Variants in VAMP3 observed in about 807,000 individuals in gnomAD.
The protein encoded by VAMP3 is vesicle associated membrane protein 3.
A neutral mutation model predicts 18.1 loss-of-function variants in VAMP3; 11 were observed. The observed-to-expected ratio is 0.61, with a 90% CI of 0.38 to 1.00. VAMP3 has a LOEUF of 1.00. VAMP3 is among the 50% of genes least tolerant of loss of function. The pLI, the probability that VAMP3 is intolerant of heterozygous loss-of-function variation, is 0.01. For missense variants in VAMP3, 122 were observed against 127.3 expected, an observed-to-expected ratio of 0.96 and a Z score of 0.20; for synonymous variants, 49 against 43.1, an observed-to-expected ratio of 1.14 and a Z score of -0.53.
Position 7,773,433 on chromosome 1 carries a change from A to C in VAMP3, c.3-9A>C. On this transcript the variant is annotated splice_polypyrimidine_tract_variant and intron_variant, in intron 1 of 4. Transcript: ENST00000054666. ...AATGTACTCATGCTCATGCCTTTACATGTTCCAGGTCTACAGGTCCAACTG... is the reference window on the plus strand; with the variant it reads ...AATGTACTCATGCTCATGCCTTTACCTGTTCCAGGTCTACAGGTCCAACTG... 6.2e-7 allele frequency: 1 copy of C among 1,613,376 alleles called. No individual in the cohort carries two copies. Among genetic ancestry groups the C allele is most frequent in the Non-Finnish European group, 8.5e-7 (1 of 1,179,380 alleles).
chr1:7,778,127 A>C lies in VAMP3; in HGVS notation c.241A>C (p.Ile81Leu), dbSNP rs747982809. 6.2e-7 allele frequency: 1 copy of C among 1,614,214 alleles called. No homozygotes were observed. The highest frequency in any genetic ancestry group is 2.2e-5 in the East Asian group (1 of 44,890). The change falls in exon 4 of 5, where the codon ATC becomes CTC. Residue 81 changes from isoleucine (I) to leucine (L), a missense_variant. Coordinates refer to ENST00000054666, the MANE Select transcript of VAMP3 (RefSeq NM_004781.4). ...ATATGTTTTGTTACAGATGTGGGCAATCGGGATTACTGTTCTGGTTATCTT... is the reference window on the plus strand; with the variant it reads ...ATATGTTTTGTTACAGATGTGGGCACTCGGGATTACTGTTCTGGTTATCTT... ...YWWKNCKMWA[I>L]GITVLVIFII...
intron 3 of VAMP3, 127 bp from the exon 4 acceptor site, chr1:7,777,991 T>C (rs1032132287): frequency 4.4e-5 from 42 of 950,266 alleles, no homozygotes; most frequent in African/African-American, 1.6e-5. Context: ...TTAGAAATTA[T>C]TAATTACTCC....
chr1:7,772,152 C>T (rs707458), intron 1 of VAMP3, among the ~76,000 whole-genome samples: 77,663 of 152,080 alleles, frequency 0.51, 20,362 homozygotes, highest in Non-Finnish European at 0.55. Flanking sequence ...TGTGTTGACT[C>T]TCTAAACCTC....
At chr1:7,776,229 C>T (rs2097054226) in intron 2 of VAMP3, among the ~76,000 whole-genome samples, 1 of 152,184 alleles carries the variant, frequency 6.6e-6, no homozygotes, top group Non-Finnish European at 1.5e-5. Context: ...TTGTCCAAGT[C>T]GTTCACCTTT....
chr1:7,771,570 C>T (rs1277395256), intron 1 of VAMP3, among the ~76,000 whole-genome samples, 185 bp downstream of exon 1: 1 of 152,136 alleles, frequency 6.6e-6, no homozygotes, highest in African/African-American at 2.4e-5. Flanking sequence ...CCGGGCGGGT[C>T]CCGCGGCCAT....
At chr1:7,778,429 G>A (rs1195235653) in intron 4 of VAMP3, among the ~76,000 whole-genome samples, 2 of 152,084 alleles carry the variant, frequency 1.3e-5, no homozygotes, top group Non-Finnish European at 2.9e-5. Flanking sequence ...AGCTACTCAG[G>A]AGGCTGAGAC....
chr1:7,773,431 A>G lies in VAMP3; in HGVS notation c.3-11A>G, dbSNP rs1439494378. 4 of 1,612,948 alleles carry G rather than the reference A, an allele frequency of 2.5e-6. No individual in the cohort carries two copies. Among genetic ancestry groups the G allele is most frequent in the South Asian group, 2.2e-5 (2 of 91,010 alleles). On this transcript the variant is annotated splice_polypyrimidine_tract_variant and intron_variant, in intron 1 of 4. Transcript: ENST00000054666. ...GTAATGTACTCATGCTCATGCCTTTACATGTTCCAGGTCTACAGGTCCAAC... is the reference window on the plus strand; with the variant it reads ...GTAATGTACTCATGCTCATGCCTTTGCATGTTCCAGGTCTACAGGTCCAAC...
At position 7,772,323 on chromosome 1, in the gene VAMP3, G is replaced by T. The variant is rs117576469; in HGVS notation, c.2+938G>T. Among the ~76,000 whole-genome samples, 61 of 152,260 alleles carry T rather than the reference G, an allele frequency of 4.0e-4. 1 individual carries two copies. In the East Asian group the frequency reaches 0.011, roughly 28 times the overall value. On this transcript the variant is annotated intron_variant, in intron 1 of 4. Transcript: ENST00000054666. Reference sequence around the variant, plus strand: ...GGTGATGAGATCTGTTGTAGCCCTGGTCATTGACACATGACAGATGTAAAG... The same window carrying T: ...GGTGATGAGATCTGTTGTAGCCCTGTTCATTGACACATGACAGATGTAAAG...
In VAMP3 at chr1:7,779,745, ATT is replaced by A. The variant is rs998810170; in HGVS notation, c.*107_*108del. ...AAGCTTACCTACTGTTATCTCTAAA[ATT>A]TTTTTTGTGTTAATGTAAAGTTGAA... On this transcript the variant is annotated 3_prime_UTR_variant, in exon 5 of 5. Coordinates refer to ENST00000054666, the MANE Select transcript of VAMP3 (RefSeq NM_004781.4). 2.0e-5 allele frequency: 31 copies of A among 1,527,608 alleles called. No homozygotes were observed. The highest frequency in any genetic ancestry group is 2.7e-5 in the Non-Finnish European group (30 of 1,122,944). The allele number at this position is 1,527,608 out of a possible 1,614,324, so 94.6% of individuals were successfully genotyped here.
rs560129906 is a variant in VAMP3 at position 7,777,258 on chromosome 1, T to G, written c.171T>G (p.Ala57=). ...GTGCAGACGCACTGCAGGCAGGCGC[T>G]TCTCAATTTGAAACGAGCGCAGCCA... ...DDRADALQAG[A]SQFETSAAKL... The change falls in exon 3 of 5, where the codon GCT becomes GCG. Residue 57 remains alanine (A), a synonymous_variant. Coordinates refer to ENST00000054666, the MANE Select transcript of VAMP3 (RefSeq NM_004781.4). 8.7e-6 allele frequency: 14 copies of G among 1,613,788 alleles called. 1 individual carries two copies. The South Asian group carries it at 9.9e-5, about 11-fold the overall frequency.
At position 7,777,327 on chromosome 1, in the gene VAMP3, C is replaced by T. The variant is rs1558353962; in HGVS notation, c.231+9C>T. 2 of 1,607,536 alleles carry T rather than the reference C, an allele frequency of 1.2e-6. No homozygotes were observed. Among genetic ancestry groups the T allele is most frequent in the Non-Finnish European group, 1.7e-6 (2 of 1,176,194 alleles). Reference sequence around the variant, plus strand: ...GGTGGAAGAATTGCAAGGTAATTATCTTTTAACTGACCTTTACATTTAACC... The same window carrying T: ...GGTGGAAGAATTGCAAGGTAATTATTTTTTAACTGACCTTTACATTTAACC... On this transcript the variant is annotated intron_variant, in intron 3 of 4. Transcript: ENST00000054666.
At chr1:7,771,410 C>T (rs768977711) in intron 1 of VAMP3, 25 bp downstream of exon 1, 3 of 1,560,756 alleles carry the variant, frequency 1.9e-6, no homozygotes, top group African/African-American at 2.8e-5. Context: ...GCGACGCGGG[C>T]GGCTTCGGGC....
intron 1 of VAMP3, among the ~76,000 whole-genome samples, chr1:7,772,418 GAA>G (rs1171247424): frequency 6.6e-6 from 1 of 152,178 alleles, no homozygotes; most frequent in African/African-American, 2.4e-5. Context: ...AGGATACAGA[GAA>G]GAGAGTAAGA....
chr1:7,777,356 CT>C (rs1476191094), intron 3 of VAMP3, 38 bp downstream of exon 3: 1 of 1,579,238 alleles, frequency 6.3e-7, no homozygotes, highest in East Asian at 2.3e-5. Context: ...TTTAACCCCC[CT>C]TCTCCATTCT....
At chr1:7,775,467 C>T (rs752086386) in intron 2 of VAMP3, among the ~76,000 whole-genome samples, 1 of 152,112 alleles carries the variant, frequency 6.6e-6, no homozygotes, top group Non-Finnish European at 1.5e-5. Flanking sequence ...CCTGCCTCAG[C>T]CCCCAGAGTA....
intron 4 of VAMP3, 124 bp from the exon 5 acceptor site, chr1:7,779,502 G>A (rs1251473001): frequency 7.4e-6 from 10 of 1,359,570 alleles, no homozygotes; most frequent in Non-Finnish European, 1.0e-5. Context: ...GCCAGTAGTA[G>A]GAAATCAGCC....
chr1:7,779,141 G>C (rs1360670905), intron 4 of VAMP3, among the ~76,000 whole-genome samples: 3 of 152,126 alleles, frequency 2.0e-5, no homozygotes, highest in Non-Finnish European at 4.4e-5. Flanking sequence ...CTTGCAGTGA[G>C]CCAAGATCAT....
In VAMP3 at chr1:7,781,174, C is replaced by T. The variant is rs1319871441; in HGVS notation, c.*1529C>T. The T allele has an allele frequency of 6.5e-6, 1 of 152,806 alleles. No individual in the cohort carries two copies. The highest frequency in any genetic ancestry group is 1.5e-5 in the Non-Finnish European group (1 of 68,054). 9.5% of individuals were successfully genotyped at this position (152,806 alleles called of 1,614,324 possible). On this transcript the variant is annotated 3_prime_UTR_variant, in exon 5 of 5. Transcript: ENST00000054666. ...CCCTTAACATCGCTGAAATGATTTACTGTTGAAGAGATGCCTTGCGGTGTG... is the reference window on the plus strand; with the variant it reads ...CCCTTAACATCGCTGAAATGATTTATTGTTGAAGAGATGCCTTGCGGTGTG...
intron 2 of VAMP3, among the ~76,000 whole-genome samples, chr1:7,774,921 A>T (rs2097053494): frequency 6.6e-6 from 1 of 152,242 alleles, no homozygotes; most frequent in Non-Finnish European, 1.5e-5. Context: ...ATGTATACCT[A>T]GGAGTAGCAT....
Sources: allele counts gnomAD v4.1 joint callset (sites outside exome capture counted in the v4.1 genomes callset), GRCh38; gene constraint gnomAD v4.1.1; transcripts MANE v1.5; gene names NCBI Gene and HGNC (gene_info 2026-07-23, HGNC 2026-07-21).